The following ACVR1B variants were observed in gnomAD, a reference collection of about 807,000 sequenced individuals.
ACVR1B encodes activin receptor type-1B.
ACVR1B carries 15 observed loss-of-function variants against 55.6 expected under a neutral mutation model. That is an observed-to-expected ratio of 0.27 (90% CI 0.18 to 0.42). The LOEUF (loss-of-function observed/expected upper bound fraction) is 0.42. Among genes scored for constraint, ACVR1B ranks in the 10% least tolerant of loss-of-function variants. The pLI is 1.00. For missense variants in ACVR1B, 359 were observed against 670.1 expected (o/e 0.54, Z 5.13); for synonymous variants, 247 against 254.6 (o/e 0.97, Z 0.28).
At chr12:51,974,156 C>T (rs1195146835) in intron 1 of ACVR1B, among the ~76,000 whole-genome samples, 1 of 152,052 alleles carries the variant, frequency 6.6e-6, no homozygotes. Context: ...CTCAGTTGGG[C>T]CCCCACCACC....
chr12:51,993,800 A>AGG (rs1942242695), intron 8 of ACVR1B, among the ~76,000 whole-genome samples, 185 bp from the exon 9 acceptor site: 1 of 137,964 alleles, frequency 7.2e-6, no homozygotes, highest in African/African-American at 2.7e-5. Flanking sequence ...AAAAAAAAAA[A>AGG]AAAAGGAAGA....
At chr12:51,983,227 G>A (rs183536163) in intron 4 of ACVR1B, among the ~76,000 whole-genome samples, 84 of 152,284 alleles carry the variant, frequency 5.5e-4, no homozygotes, top group Admixed American at 4.2e-3. Flanking sequence ...GGCTTAATTC[G>A]ATTCCTGGCT....
chr12:51,995,881 G>C lies in ACVR1B; in HGVS notation c.*1771G>C, dbSNP rs1942288450. ...CTAGGGCCCTTTCTTGCACTGTCCAGCTGGTTGTACCCTCTCCAGGCATTT... is the reference window on the plus strand; with the variant it reads ...CTAGGGCCCTTTCTTGCACTGTCCACCTGGTTGTACCCTCTCCAGGCATTT... On this transcript the variant is annotated 3_prime_UTR_variant, in exon 9 of 9. Transcript: ENST00000257963. The C allele has an allele frequency of 6.6e-6, 1 of 152,626 alleles. No individual in the cohort carries two copies. The allele number at this position is 152,626 out of a possible 1,614,324, so 9.5% of individuals were successfully genotyped here. A position where few individuals can be genotyped will look rare whatever the true frequency, so the allele number is the denominator to read the frequency against.
At chr12:51,958,455 CA>C (rs79583832) in intron 1 of ACVR1B, among the ~76,000 whole-genome samples, 28,216 of 151,886 alleles carry the variant, frequency 0.19, 3,644 homozygotes, top group Admixed American at 0.42. Flanking sequence ...CCAGCCTGGC[CA>C]ACATGGTGAA....
At chr12:51,952,841 C>T (rs925051600) in intron 1 of ACVR1B, among the ~76,000 whole-genome samples, 2 of 140,992 alleles carry the variant, frequency 1.4e-5, no homozygotes, top group African/African-American at 5.1e-5. Context: ...CCCCTTACCT[C>T]CCAATCCCCA....
intron 1 of ACVR1B, among the ~76,000 whole-genome samples, chr12:51,960,803 G>T (rs542034250): frequency 2.0e-5 from 3 of 152,286 alleles, no homozygotes; most frequent in African/African-American, 7.2e-5. Context: ...CCTACGGCTA[G>T]ATCTAACTTT....
rs549745933 is a variant in ACVR1B at position 51,978,567 on chromosome 12, C to T, written c.580+1992C>T. On this transcript the variant is annotated intron_variant, in intron 3 of 8. Coordinates refer to ENST00000257963, the MANE Select transcript of ACVR1B (RefSeq NM_004302.5). Reference sequence around the variant, plus strand: ...TGACCCGGCCAGGCGCGGTGGCTCACGCCTGTAATCCCAGCACTTTGGGAG... The same window carrying T: ...TGACCCGGCCAGGCGCGGTGGCTCATGCCTGTAATCCCAGCACTTTGGGAG... Among the ~76,000 whole-genome samples, 13 of 152,258 alleles carry T rather than the reference C, an allele frequency of 8.5e-5. No homozygotes were observed. The South Asian group carries it at 2.3e-3, about 27-fold the overall frequency.
intron 1 of ACVR1B, among the ~76,000 whole-genome samples, chr12:51,961,424 C>T (rs911139807): frequency 3.3e-5 from 5 of 152,080 alleles, no homozygotes; most frequent in Non-Finnish European, 7.4e-5. Flanking sequence ...CAAAAAATGC[C>T]GCAAACATTT....
intron 1 of ACVR1B, among the ~76,000 whole-genome samples, chr12:51,963,837 C>G (rs1941588062): frequency 6.6e-6 from 1 of 152,146 alleles, no homozygotes; most frequent in Non-Finnish European, 1.5e-5. Context: ...TAGGGTAATT[C>G]TAGATTTAAC....
intron 4 of ACVR1B, 73 bp downstream of exon 4, chr12:51,981,272 A>G: frequency 7.8e-7 from 1 of 1,286,372 alleles, no homozygotes; most frequent in Non-Finnish European, 1.1e-6. Context: ...TGGGGTGCAC[A>G]GCTCTGTTTG....
At chr12:51,979,038 C>T (rs1465810358) in intron 3 of ACVR1B, among the ~76,000 whole-genome samples, 1 of 151,162 alleles carries the variant, frequency 6.6e-6, no homozygotes, top group Admixed American at 6.6e-5. Context: ...TGGCACACGC[C>T]TATAATTCCA....
chr12:51,990,368 G>A (rs965318941), intron 7 of ACVR1B, among the ~76,000 whole-genome samples: 3 of 131,434 alleles, frequency 2.3e-5, no homozygotes, highest in African/African-American at 8.8e-5. Flanking sequence ...AGGCTGGAGT[G>A]CAGTGGCGTG....
At chr12:51,953,270 A>G (rs867337474) in intron 1 of ACVR1B, 9 of 897,402 alleles carry the variant, frequency 1.0e-5, no homozygotes, top group Non-Finnish European at 9.3e-6. Context: ...CAGACAGTCA[A>G]GAAAAGACAC....
chr12:51,978,617 CAG>C (rs1393169198), intron 3 of ACVR1B, among the ~76,000 whole-genome samples: 2 of 151,694 alleles, frequency 1.3e-5, no homozygotes, highest in Non-Finnish European at 2.9e-5. Flanking sequence ...ATCATGAGGT[CAG>C]AGGAGATCCA....
In ACVR1B at chr12:51,991,898, T is replaced by C; in HGVS notation, c.1297T>C (p.Leu433=). 6.2e-7 allele frequency: 1 copy of C among 1,614,184 alleles called. No homozygotes were observed. The highest frequency in any genetic ancestry group is 8.5e-7 in the Non-Finnish European group (1 of 1,180,026). Residue 433 remains leucine (L), a synonymous_variant, in exon 8 of 9, where the codon TTA becomes CTA. Coordinates refer to ENST00000257963, the MANE Select transcript of ACVR1B (RefSeq NM_004302.5). ...HEEYQLPYYD[L]VPSDPSIEEM... is the part of the protein sequence containing the mutation. ...AGAATATCAGCTGCCATATTACGAC[T>C]TAGTGCCCTCTGACCCTTCCATTGA... is the stretch of plus-strand genomic sequence containing the variant.
At position 51,996,942 on chromosome 12, in the gene ACVR1B, G is replaced by T. The variant is rs188604828; in HGVS notation, c.*2832G>T. 6.5e-6 allele frequency: 1 copy of T among 152,772 alleles called. No individual in the cohort carries two copies. Among genetic ancestry groups the T allele is most frequent in the East Asian group, 1.9e-4 (1 of 5,192 alleles). 9.5% of individuals were successfully genotyped at this position (152,772 alleles called of 1,614,324 possible). A position where few individuals can be genotyped will look rare whatever the true frequency, so the allele number is the denominator to read the frequency against. ...TTTGTACATTTTATTAGAAAGGACT[G>T]TAAAATAGCCACTTAGACACTTTAC... On this transcript the variant is annotated 3_prime_UTR_variant, in exon 9 of 9. Transcript: ENST00000257963.
rs758529339 is a variant in ACVR1B at position 51,976,403 on chromosome 12, C to T, written c.408C>T (p.Phe136=). The T allele has an allele frequency of 4.3e-6, 7 of 1,614,048 alleles. No individual in the cohort carries two copies. In the East Asian group the frequency reaches 8.9e-5, roughly 21 times the overall value. Residue 136 remains phenylalanine (F), a synonymous_variant, in exon 3 of 9, where the codon TTC becomes TTT. Coordinates refer to ENST00000257963, the MANE Select transcript of ACVR1B (RefSeq NM_004302.5). ...ELVGIIAGPV[F]LLFLIIIIVF... is the part of the protein sequence containing the mutation. ...TAGGCATCATCGCCGGCCCGGTGTT[C>T]CTCCTGTTCCTCATCATCATCATTG...
intron 1 of ACVR1B, among the ~76,000 whole-genome samples, chr12:51,962,990 G>T (rs1941565060): frequency 6.6e-6 from 1 of 152,106 alleles, no homozygotes; most frequent in Non-Finnish European, 1.5e-5. Flanking sequence ...CCCGGACACG[G>T]TGGAGAGTCT....
chr12:51,963,280 C>T (rs932280664), intron 1 of ACVR1B, among the ~76,000 whole-genome samples: 11 of 151,590 alleles, frequency 7.3e-5, no homozygotes, highest in African/African-American at 2.4e-4. Context: ...AGTCTTGCTC[C>T]GTCACCCAGG....
Sources: allele counts gnomAD v4.1 joint callset (sites outside exome capture counted in the v4.1 genomes callset), GRCh38; gene constraint gnomAD v4.1.1; transcripts MANE v1.5; gene names NCBI Gene and HGNC (gene_info 2026-07-23, HGNC 2026-07-21).